ZNF385B: variants seen among roughly 807,000 people sequenced by gnomAD.
The protein encoded by ZNF385B is zinc finger protein 533.
In ZNF385B, 23 loss-of-function variants were observed where a neutral mutation model predicts 39.2. That is an observed-to-expected ratio of 0.59 (90% CI 0.42 to 0.83). The LOEUF is 0.83. Ranked by LOEUF, ZNF385B falls within the 40% of genes least tolerant of loss-of-function variation. ZNF385B has a pLI of 0.00. For synonymous variants in ZNF385B, 205 were observed against 222.6 expected (o/e 0.92, Z 0.70); for missense variants, 552 against 598.9 (o/e 0.92, Z 0.82).
At chr2:179,797,314 A>ACC (rs1318264913) in intron 1 of ZNF385B, among the ~76,000 whole-genome samples, 4 of 152,172 alleles carry the variant, frequency 2.6e-5, no homozygotes, top group Non-Finnish European at 5.9e-5. Flanking sequence ...TTTGAAGCAA[A>ACC]CCAAGAATGA....
intron 1 of ZNF385B, among the ~76,000 whole-genome samples, chr2:179,833,986 G>A (rs1390991623): frequency 6.6e-6 from 1 of 151,990 alleles, no homozygotes; most frequent in African/African-American, 2.4e-5. Flanking sequence ...GTGGGTTATT[G>A]TAGCCACAAA....
chr2:179,760,223 C>CGTGCATGTGTGT (rs1553525684), intron 3 of ZNF385B, among the ~76,000 whole-genome samples: 1 of 144,476 alleles, frequency 6.9e-6, no homozygotes, highest in East Asian at 2.0e-4. Flanking sequence ...TTCCTGTGTG[C>CGTGCATGTGTGT]GTGTGTGTGT....
chr2:179,719,785 A>T (rs915280811), intron 3 of ZNF385B, among the ~76,000 whole-genome samples: 1 of 152,218 alleles, frequency 6.6e-6, no homozygotes, highest in African/African-American at 2.4e-5. Context: ...ATTTTAAGAA[A>T]TGAGATCTCA....
intron 3 of ZNF385B, among the ~76,000 whole-genome samples, chr2:179,651,804 C>T (rs1256149600): frequency 1.3e-5 from 2 of 152,084 alleles, no homozygotes; most frequent in Non-Finnish European, 2.9e-5. Context: ...TTAACAAAGT[C>T]AGAGCTAAGG....
intron 1 of ZNF385B, among the ~76,000 whole-genome samples, chr2:179,825,521 A>AC (rs1020723886): frequency 3.9e-5 from 6 of 151,992 alleles, no homozygotes; most frequent in Admixed American, 1.3e-4. Flanking sequence ...CAAAATAACC[A>AC]CCCCCCAGTA....
At chr2:179,509,571 T>G (rs950925136) in intron 5 of ZNF385B, among the ~76,000 whole-genome samples, 8 of 152,222 alleles carry the variant, frequency 5.3e-5, no homozygotes, top group Admixed American at 2.0e-4. Context: ...TTCCTGAGAT[T>G]TATGCTTTTA....
At chr2:179,801,014 T>C (rs1705996351) in intron 1 of ZNF385B, among the ~76,000 whole-genome samples, 1 of 152,130 alleles carries the variant, frequency 6.6e-6, no homozygotes, top group African/African-American at 2.4e-5. Context: ...AGGGTTGGTA[T>C]GTTCAAGTTA....
chr2:179,594,834 G>T (rs868514834), intron 3 of ZNF385B, among the ~76,000 whole-genome samples: 17 of 150,052 alleles, frequency 1.1e-4, no homozygotes, highest in African/African-American at 3.7e-4. Context: ...TTTAGACAAG[G>T]TCTCATTCTT....
intron 3 of ZNF385B, among the ~76,000 whole-genome samples, chr2:179,585,499 G>T (rs1249007817): frequency 1.3e-5 from 2 of 151,990 alleles, no homozygotes; most frequent in East Asian, 3.9e-4. Context: ...ATGATTATAG[G>T]GCTCCCTTTA....
intron 3 of ZNF385B, among the ~76,000 whole-genome samples, chr2:179,711,577 G>A (rs1386454371): frequency 6.6e-6 from 1 of 152,082 alleles, no homozygotes; most frequent in Non-Finnish European, 1.5e-5. Flanking sequence ...CCAAGCTAAA[G>A]AATCTGGGAG....
intron 3 of ZNF385B, among the ~76,000 whole-genome samples, chr2:179,686,714 G>T (rs1052485897): frequency 3.9e-5 from 6 of 152,078 alleles, no homozygotes. Flanking sequence ...AAACCTGAAT[G>T]CTCCATGAAT....
chr2:179,861,003 C>G (rs1229852252), intron 1 of ZNF385B, 98 bp downstream of exon 1: 1 of 167,772 alleles, frequency 6.0e-6, no homozygotes, highest in East Asian at 1.9e-4. Flanking sequence ...GGCGGCGCGC[C>G]CAGGTGCAGG....
In ZNF385B at chr2:179,796,590, G is replaced by A. The variant is rs183153215; in HGVS notation, c.-154-25918C>T. ...ATCTTGTGGGGAAGGGAAACAGCTC[G>A]CCTCATTAAGGATTCAGAGAGTGGC... On this transcript the variant is annotated intron_variant, in intron 1 of 9. Transcript: ENST00000410066. Among the ~76,000 whole-genome samples the A allele has an allele frequency of 5.3e-5, 8 of 152,300 alleles. No individual in the cohort carries two copies. In the East Asian group the frequency reaches 5.8e-4, roughly 11 times the overall value.
chr2:179,626,942 G>C (rs1356926011), intron 3 of ZNF385B, among the ~76,000 whole-genome samples: 1 of 152,068 alleles, frequency 6.6e-6, no homozygotes, highest in Non-Finnish European at 1.5e-5. Context: ...TCTCCTCTGG[G>C]CCTCAACATT....
chr2:179,509,516 C>T (rs1367407683), intron 5 of ZNF385B, among the ~76,000 whole-genome samples: 1 of 152,168 alleles, frequency 6.6e-6, no homozygotes, highest in Non-Finnish European at 1.5e-5. Context: ...AAATGTTCAT[C>T]ATTTTGTCAG....
intron 4 of ZNF385B, among the ~76,000 whole-genome samples, chr2:179,531,505 G>T (rs2059250163): frequency 6.6e-6 from 1 of 151,838 alleles, no homozygotes; most frequent in African/African-American, 2.4e-5. Context: ...GTGTGGTGGT[G>T]GGCACCTGTA....
chr2:179,516,223 T>C (rs1396843488), intron 5 of ZNF385B, among the ~76,000 whole-genome samples: 1 of 152,162 alleles, frequency 6.6e-6, no homozygotes, highest in African/African-American at 2.4e-5. Context: ...TTTGGGCAAT[T>C]ATGAATAAAA....
At chr2:179,500,416 A>C (rs1276241922) in intron 5 of ZNF385B, among the ~76,000 whole-genome samples, 1 of 152,158 alleles carries the variant, frequency 6.6e-6, no homozygotes. Flanking sequence ...CTAATGTGAC[A>C]GACTAGAGAA....
At chr2:179,522,389 A>C (rs994171601) in intron 4 of ZNF385B, among the ~76,000 whole-genome samples, 3 of 152,212 alleles carry the variant, frequency 2.0e-5, no homozygotes, top group African/African-American at 7.2e-5. Context: ...AATGAGATGC[A>C]TGTAACTAAA....
Sources: gnomAD v4.1 joint callset for allele counts (sites outside exome capture counted in the v4.1 genomes callset) on GRCh38, gnomAD v4.1.1 for gene constraint, MANE v1.5 for transcripts, NCBI Gene and HGNC (gene_info 2026-07-23, HGNC 2026-07-21) for gene names.